Variants in ZFP30 observed in about 807,000 individuals in gnomAD.
The protein encoded by ZFP30 is zinc finger protein 30 homolog.
Under a neutral mutation model 12.3 loss-of-function variants are expected in ZFP30, and 16 were observed. That is an observed-to-expected ratio of 1.30 (90% confidence interval 0.88 to 1.98). The LOEUF is 1.98. ZFP30 is among the 30% of genes most tolerant of loss of function. ZFP30 has a pLI of 0.00. For synonymous variants in ZFP30, 172 were observed against 201.0 expected, an observed-to-expected ratio of 0.86 and a Z score of 1.22; for missense variants, 560 against 611.2, an observed-to-expected ratio of 0.92 and a Z score of 0.88.
chr19:37,638,560 A>C (rs2044373838), intron 5 of ZFP30, among the ~76,000 whole-genome samples: 1 of 152,246 alleles, frequency 6.6e-6, no homozygotes, highest in African/African-American at 2.4e-5. Flanking sequence ...TATTTGTAAT[A>C]TACCCAAACT....
rs971432608 is a variant in ZFP30, at chr19:37,634,020, T to G, written c.*961A>C. On this transcript the variant is annotated 3_prime_UTR_variant, in exon 6 of 6. Coordinates refer to ENST00000684514, the MANE Select transcript of ZFP30 (RefSeq NM_001320669.3). ...CCCAATTATTGTTAAGTATCTCTTC[T>G]TTTACATGTTTGTTCAACTCATGAT... is the stretch of plus-strand genomic sequence containing the variant. 6.6e-6 allele frequency: 1 copy of G among 152,220 alleles called. No individual in the cohort carries two copies. Among genetic ancestry groups the G allele is most frequent in the Admixed American group, 6.5e-5 (1 of 15,284 alleles). The allele number at this position is 152,220 out of a possible 1,614,324, so 9.4% of individuals were successfully genotyped here.
intron 2 of ZFP30, among the ~76,000 whole-genome samples, chr19:37,650,444 AC>A (rs1254221495): frequency 6.6e-6 from 1 of 152,140 alleles, no homozygotes; most frequent in African/African-American, 2.4e-5. Flanking sequence ...TTATACCTGA[AC>A]AAAAATTCAA....
chr19:37,635,652 A>T lies in ZFP30; in HGVS notation c.889T>A (p.Cys297Ser). 6.2e-7 allele frequency: 1 copy of T among 1,613,936 alleles called. No individual in the cohort carries two copies. Among genetic ancestry groups the T allele is most frequent in the South Asian group, 1.1e-5 (1 of 91,058 alleles). The change falls in exon 6 of 6, where the codon TGC becomes AGC. Residue 297 changes from cysteine to serine, a missense_variant. Physicochemically the swap from Cys to Ser is moderately radical, Grantham distance 112. Coordinates refer to ENST00000684514, the MANE Select transcript of ZFP30 (RefSeq NM_001320669.3). ...RHQRLNIAEK[C>S]YECKECGQAF... ...TGACCACATTCCTTACACTCATAGCACTTCTCAGCAATGTTCAGTCTCTGA... is the reference window on the plus strand; with the variant it reads ...TGACCACATTCCTTACACTCATAGCTCTTCTCAGCAATGTTCAGTCTCTGA...
At chr19:37,637,207 T>C (rs539267968) in intron 5 of ZFP30, among the ~76,000 whole-genome samples, 8 of 150,880 alleles carry the variant, frequency 5.3e-5, no homozygotes, top group African/African-American at 1.7e-4. Context: ...TTTTTTCTTT[T>C]TTTTTTTTTT....
intron 5 of ZFP30, among the ~76,000 whole-genome samples, chr19:37,641,150 C>T (rs1312459706): frequency 6.6e-6 from 1 of 152,142 alleles, no homozygotes; most frequent in Non-Finnish European, 1.5e-5. Flanking sequence ...GAATTCTTAC[C>T]ATATATGTGG....
chr19:37,642,338 G>A (rs2044452191), intron 5 of ZFP30, among the ~76,000 whole-genome samples: 1 of 152,052 alleles, frequency 6.6e-6, no homozygotes, highest in Non-Finnish European at 1.5e-5. Context: ...TTAGTATCAA[G>A]AATTTATAAA....
intron 2 of ZFP30, among the ~76,000 whole-genome samples, chr19:37,653,867 G>A (rs2044701084): frequency 6.6e-6 from 1 of 152,146 alleles, no homozygotes; most frequent in African/African-American, 2.4e-5. Context: ...CAGAGTCCAA[G>A]GACTTATGTT....
At chr19:37,650,437 TA>T (rs2147289155) in intron 2 of ZFP30, among the ~76,000 whole-genome samples, 1 of 152,270 alleles carries the variant, frequency 6.6e-6, no homozygotes, top group East Asian at 1.9e-4. Context: ...TTATCACTTA[TA>T]CCTGAACAAA....
chr19:37,649,805 T>C (rs1355562538), intron 2 of ZFP30, among the ~76,000 whole-genome samples: 2 of 143,674 alleles, frequency 1.4e-5, no homozygotes, highest in South Asian at 2.2e-4. Flanking sequence ...GCCTGGGCAA[T>C]AGAGTGATAC....
intron 3 of ZFP30, among the ~76,000 whole-genome samples, chr19:37,647,385 T>A (rs761919704): frequency 1.3e-5 from 2 of 152,218 alleles, no homozygotes; most frequent in African/African-American, 4.8e-5. Context: ...GTTGCCCCTA[T>A]ACTGTTTTCA....
intron 2 of ZFP30, among the ~76,000 whole-genome samples, chr19:37,649,742 T>C (rs966983355): frequency 6.6e-6 from 1 of 151,282 alleles, no homozygotes; most frequent in Non-Finnish European, 1.5e-5. Context: ...GAGGATCGCC[T>C]GAGCCCAGGA....
At chr19:37,636,453 G>A (rs1048410982) in intron 5 of ZFP30, 148 bp from the exon 6 acceptor site, 2 of 842,274 alleles carry the variant, frequency 2.4e-6, no homozygotes, top group African/African-American at 3.5e-5. Context: ...TCTAAAATAG[G>A]TAATTTAAAA....
At chr19:37,651,035 C>T (rs976624559) in intron 2 of ZFP30, among the ~76,000 whole-genome samples, 20 of 152,226 alleles carry the variant, frequency 1.3e-4, no homozygotes, top group African/African-American at 3.6e-4. Context: ...AGCCACTGCA[C>T]CCAGCCTCAA....
intron 5 of ZFP30, among the ~76,000 whole-genome samples, chr19:37,636,860 G>A (rs776647021): frequency 2.0e-5 from 3 of 152,036 alleles, no homozygotes; most frequent in Non-Finnish European, 2.9e-5. Context: ...ACAGGAGTGC[G>A]CCACCATACT....
chr19:37,650,067 A>C (rs570738544), intron 2 of ZFP30, among the ~76,000 whole-genome samples: 1 of 151,598 alleles, frequency 6.6e-6, no homozygotes, highest in South Asian at 2.1e-4. Flanking sequence ...TGTTACCTTT[A>C]CTTGATGGTA....
intron 3 of ZFP30, among the ~76,000 whole-genome samples, chr19:37,646,966 T>G (rs1410587028): frequency 2.0e-5 from 3 of 152,174 alleles, no homozygotes; most frequent in African/African-American, 7.2e-5. Context: ...TTGGGTTAAA[T>G]AAAAGACATT....
chr19:37,636,352 TAAAC>T, intron 5 of ZFP30, 47 bp from the exon 6 acceptor site: 3 of 1,219,276 alleles, frequency 2.5e-6, no homozygotes, highest in Non-Finnish European at 3.0e-6. Context: ...CTACACAAAA[TAAAC>T]AAACGAAAAC....
At chr19:37,637,207 T>A (rs539267968) in intron 5 of ZFP30, among the ~76,000 whole-genome samples, 2 of 150,766 alleles carry the variant, frequency 1.3e-5, no homozygotes, top group Non-Finnish European at 3.0e-5. Flanking sequence ...TTTTTTCTTT[T>A]TTTTTTTTTT....
At chr19:37,647,147 G>A (rs776834519) in intron 3 of ZFP30, among the ~76,000 whole-genome samples, 3 of 152,084 alleles carry the variant, frequency 2.0e-5, no homozygotes, top group Non-Finnish European at 2.9e-5. Context: ...TTTTAATCCT[G>A]AGAATTTCAG....
Sources: allele counts gnomAD v4.1 joint callset (sites outside exome capture counted in the v4.1 genomes callset), GRCh38; gene constraint gnomAD v4.1.1; transcripts MANE v1.5; gene names NCBI Gene and HGNC (gene_info 2026-07-23, HGNC 2026-07-21).